PRMT3: variants seen among roughly 807,000 people sequenced by gnomAD.
The protein encoded by PRMT3 is protein arginine N-methyltransferase 3.
A neutral mutation model predicts 71.9 loss-of-function variants in PRMT3; 62 were observed. That is an observed-to-expected ratio of 0.86 (90% CI 0.70 to 1.07). The LOEUF (loss-of-function observed/expected upper bound fraction) is 1.07. PRMT3 is among the 50% of genes least tolerant of loss of function. The pLI is 0.00. For synonymous variants in PRMT3, 213 were observed against 220.4 expected, an observed-to-expected ratio of 0.97 and a Z score of 0.30; for missense variants, 663 against 643.0, an observed-to-expected ratio of 1.03 and a Z score of -0.34.
At chr11:20,508,231 A>T in intron 15 of PRMT3, 73 bp from the exon 16 acceptor site, 1 of 710,722 alleles carries the variant, frequency 1.4e-6, no homozygotes, top group Non-Finnish European at 2.4e-6. Flanking sequence ...AAGAAGTGCT[A>T]GTTATACATT....
intron 11 of PRMT3, among the ~76,000 whole-genome samples, chr11:20,456,389 CT>C (rs1850268030): frequency 1.3e-5 from 2 of 152,084 alleles, no homozygotes; most frequent in Non-Finnish European, 2.9e-5. Context: ...TGATTTATTT[CT>C]AATTAATTTT....
intron 10 of PRMT3, among the ~76,000 whole-genome samples, chr11:20,443,508 A>T (rs1366903771): frequency 6.6e-6 from 1 of 152,244 alleles, no homozygotes; most frequent in African/African-American, 2.4e-5. Flanking sequence ...ACCTAATGTT[A>T]TGCACAATTA....
intron 15 of PRMT3, among the ~76,000 whole-genome samples, chr11:20,501,148 A>T (rs1024482483): frequency 1.3e-5 from 2 of 152,120 alleles, no homozygotes; most frequent in Non-Finnish European, 2.9e-5. Flanking sequence ...AATTTCTGTA[A>T]AATTTAAATG....
chr11:20,426,360 G>A (rs1047569203), intron 9 of PRMT3, among the ~76,000 whole-genome samples: 7 of 152,116 alleles, frequency 4.6e-5, no homozygotes, highest in African/African-American at 1.4e-4. Context: ...AGAATCTGGG[G>A]GTTAAATTAT....
intron 12 of PRMT3, among the ~76,000 whole-genome samples, chr11:20,463,746 T>C (rs185627831): frequency 1.3e-5 from 2 of 152,234 alleles, no homozygotes; most frequent in South Asian, 4.1e-4. Flanking sequence ...TGGCTGGATC[T>C]ACTCAGCTGA....
intron 15 of PRMT3, among the ~76,000 whole-genome samples, chr11:20,506,038 T>G (rs948579185): frequency 8.5e-5 from 13 of 152,200 alleles, no homozygotes; most frequent in African/African-American, 3.1e-4. Context: ...ATCCTAGTTC[T>G]TTCACTAGCT....
rs766231095 is a variant in PRMT3, at chr11:20,397,668, G to C, written c.652G>C (p.Gly218Arg). The change falls in exon 7 of 16, where the codon GGT becomes CGT. Residue 218 changes from glycine (G) to arginine (R), a missense_variant. By Grantham distance (125) the Gly-to-Arg change is moderately radical (BLOSUM62 -2). Transcript: ENST00000331079. ...VIADLQEDED[G>R]VYFSSYGHYG... Reference sequence around the variant, plus strand: ...TGCGGACCTCCAGGAGGATGAGGATGGTGTTTATTTCAGCTCATACGGGCA... The same window carrying C: ...TGCGGACCTCCAGGAGGATGAGGATCGTGTTTATTTCAGCTCATACGGGCA... The C allele has an allele frequency of 2.5e-6, 4 of 1,614,106 alleles. No individual in the cohort carries two copies. In the South Asian group the frequency reaches 3.3e-5, roughly 13 times the overall value.
chr11:20,406,086 G>C (rs998070804), intron 8 of PRMT3: 1 of 152,144 alleles, frequency 6.6e-6, no homozygotes. Context: ...GTATCTGTGA[G>C]GGATTGGTTC....
chr11:20,426,782 G>A lies in PRMT3; in HGVS notation c.910G>A (p.Asp304Asn). The A allele has an allele frequency of 6.7e-7, 1 of 1,486,466 alleles. No individual in the cohort carries two copies. The highest frequency in any genetic ancestry group is 8.9e-7 in the Non-Finnish European group (1 of 1,126,624). The allele number at this position is 1,486,466 out of a possible 1,614,324, so 92.1% of individuals were successfully genotyped here. A position where few individuals can be genotyped will look rare whatever the true frequency, so the allele number is the denominator to read the frequency against. ...MDIIRLNKLE[D>N]TITLIKGKIE... is the part of the protein sequence containing the mutation. ...AATTTTCAGACTAAATAAACTTGAA[G>A]ATACTATTACACTAATTAAAGGAAA... The change falls in exon 10 of 16, where the codon GAT becomes AAT. Residue 304 changes from aspartate (D) to asparagine (N), a missense_variant. Asp to Asn is a conservative substitution (Grantham distance 23). Coordinates refer to ENST00000331079, the MANE Select transcript of PRMT3 (RefSeq NM_005788.4).
rs1213149490 is a variant in PRMT3, at chr11:20,397,646, G to A, written c.630G>A (p.Ala210=). ...GCTCGTCATCTACTAGTGTCATTGCGGACCTCCAGGAGGATGAGGATGGTG... is the reference window on the plus strand; with the variant it reads ...GCTCGTCATCTACTAGTGTCATTGCAGACCTCCAGGAGGATGAGGATGGTG... ...RTCSSSTSVI[A]DLQEDEDGVY... The change falls in exon 7 of 16, where the codon GCG becomes GCA. Residue 210 remains alanine (A), a synonymous_variant. Transcript: ENST00000331079. 4.3e-6 allele frequency: 7 copies of A among 1,613,940 alleles called. No homozygotes were observed. Among genetic ancestry groups the A allele is most frequent in the East Asian group, 2.2e-5 (1 of 44,890 alleles).
At chr11:20,489,884 C>T (rs1851166702) in intron 13 of PRMT3, among the ~76,000 whole-genome samples, 1 of 150,054 alleles carries the variant, frequency 6.7e-6, no homozygotes, top group Admixed American at 6.7e-5. Flanking sequence ...TGATTTCAGT[C>T]TGGGCACCAT....
chr11:20,470,588 G>A (rs1363876951), intron 13 of PRMT3, among the ~76,000 whole-genome samples: 1 of 152,132 alleles, frequency 6.6e-6, no homozygotes, highest in African/African-American at 2.4e-5. Flanking sequence ...GGGCTGCATA[G>A]TATTCCATGG....
intron 9 of PRMT3, among the ~76,000 whole-genome samples, chr11:20,423,087 C>T (rs1042102077): frequency 6.6e-6 from 1 of 152,270 alleles, no homozygotes. Flanking sequence ...TAAAGCTTGA[C>T]ACTGGGTAAG....
At chr11:20,503,870 G>C (rs1282837723) in intron 15 of PRMT3, among the ~76,000 whole-genome samples, 1 of 152,118 alleles carries the variant, frequency 6.6e-6, no homozygotes, top group Non-Finnish European at 1.5e-5. Context: ...GGGTCTTATG[G>C]TAAGTGTATA....
chr11:20,441,263 T>TTTTATTTATTTA (rs3044625), intron 10 of PRMT3, among the ~76,000 whole-genome samples: 6 of 138,138 alleles, frequency 4.3e-5, no homozygotes, highest in South Asian at 2.4e-4. Flanking sequence ...GTTACTAACT[T>TTTTATTTATTTA]TTTATTTATT....
chr11:20,506,770 CTTAATA>C (rs1565244620), intron 15 of PRMT3, among the ~76,000 whole-genome samples: 1 of 152,062 alleles, frequency 6.6e-6, no homozygotes, highest in East Asian at 1.9e-4. Flanking sequence ...TTGGTGTTAT[CTTAATA>C]TTATTTAAGC....
chr11:20,431,243 G>C (rs186331625), intron 10 of PRMT3, among the ~76,000 whole-genome samples: 4 of 152,282 alleles, frequency 2.6e-5, no homozygotes, highest in African/African-American at 9.6e-5. Flanking sequence ...TGGAGATATA[G>C]TATATGACAG....
At chr11:20,406,341 G>A (rs558080295) in intron 8 of PRMT3, 11 of 152,306 alleles carry the variant, frequency 7.2e-5, no homozygotes, top group African/African-American at 2.4e-4. Flanking sequence ...GAATGTTTTC[G>A]ATTAGCAGTT....
chr11:20,388,212 T>G (rs1327120406), intron 2 of PRMT3, 58 bp downstream of exon 2: 15 of 1,606,758 alleles, frequency 9.3e-6, no homozygotes, highest in Non-Finnish European at 1.2e-5. Context: ...GTGGGGTCTG[T>G]GTGCCCAGGA....
Sources: allele counts gnomAD v4.1 joint callset (sites outside exome capture counted in the v4.1 genomes callset), GRCh38; gene constraint gnomAD v4.1.1; transcripts MANE v1.5; gene names NCBI Gene and HGNC (gene_info 2026-07-23, HGNC 2026-07-21).